SELE: variants seen among roughly 807,000 people sequenced by gnomAD.
SELE encodes the protein E-selectin.
A neutral mutation model predicts 75.8 loss-of-function variants in SELE; 52 were observed. The observed-to-expected ratio is 0.69, with a 90% CI of 0.55 to 0.86. The LOEUF (loss-of-function observed/expected upper bound fraction) is 0.86. Ranked by LOEUF, SELE falls within the 40% of genes least tolerant of loss-of-function variation. SELE has a pLI of 0.00. For synonymous variants in SELE, 285 were observed against 258.7 expected (o/e 1.10, Z -0.98); for missense variants, 754 against 732.7 (o/e 1.03, Z -0.34).
chr1:169,729,452 A>T, intron 6 of SELE, 36 bp downstream of exon 6: 1 of 1,610,160 alleles, frequency 6.2e-7, no homozygotes. Context: ...GAGAGAAAGA[A>T]TGTTCACAGT....
Position 169,722,986 on chromosome 1 carries a change from TTTG to T in SELE, c.*1536_*1538del, listed in dbSNP as rs1484367838. On this transcript the variant is annotated 3_prime_UTR_variant, in exon 14 of 14. Transcript: ENST00000333360. ...TCACATCTCTGTTTTGACTGTTGGC[TTTG>T]TTGTTGCCAGTGTTCAGCCAGAACT... is the stretch of plus-strand genomic sequence containing the variant. 6.6e-6 allele frequency: 1 copy of T among 152,214 alleles called. No homozygotes were observed. Among genetic ancestry groups the T allele is most frequent in the African/African-American group, 2.4e-5 (1 of 41,462 alleles). The allele number at this position is 152,214 out of a possible 1,614,324, so 9.4% of individuals were successfully genotyped here.
At position 169,728,207 on chromosome 1, in the gene SELE, T is replaced by G. The variant is rs1176182646; in HGVS notation, c.1130A>C (p.Tyr377Ser). 1 of 1,614,132 alleles carries G rather than the reference T, an allele frequency of 6.2e-7. No homozygotes were observed. Among genetic ancestry groups the G allele is most frequent in the African/African-American group, 1.3e-5 (1 of 75,034 alleles). ...CTALSNPERG[Y>S]MNCLPSASGS... is the part of the protein sequence containing the mutation. The stretch of plus-strand genomic sequence containing the variant: ...AGAAGCACTAGGAAGACAATTCATG[T>G]AGCCTCGCTCGGGGTTGGACAAGGC... Residue 377 changes from tyrosine to serine, a missense_variant, in exon 8 of 14, where the codon TAC becomes TCC. Coordinates refer to ENST00000333360, the MANE Select transcript of SELE (RefSeq NM_000450.2).
rs537060258 is a variant in SELE, at chr1:169,727,951, T to G, written c.1280-24A>C. 4.4e-6 allele frequency: 7 copies of G among 1,602,350 alleles called. 1 individual carries two copies. The South Asian group carries it at 7.8e-5, about 18-fold the overall frequency. ...AGCTGGAACACACGAGAGAGCACTT[T>G]AGAAGTTTGTTTGCATCTCCAGCAA... is the stretch of plus-strand genomic sequence containing the variant. On this transcript the variant is annotated intron_variant, in intron 8 of 13. Coordinates refer to ENST00000333360, the MANE Select transcript of SELE (RefSeq NM_000450.2).
intron 4 of SELE, 83 bp from the exon 5 acceptor site, chr1:169,730,700 T>G (rs1167938062): frequency 2.5e-5 from 17 of 680,198 alleles, no homozygotes; most frequent in Admixed American, 8.7e-5. Flanking sequence ...ACAGTTTGGT[T>G]TTTTTTTTTT....
Position 169,723,259 on chromosome 1 carries a change from T to C in SELE, c.*1266A>G, listed in dbSNP as rs192364761. ...ACCCTAACATACAGAAGAAAACAAA[T>C]AGGGAATAACTATTAGACATCTTCA... is the stretch of plus-strand genomic sequence containing the variant. On this transcript the variant is annotated 3_prime_UTR_variant, in exon 14 of 14. Coordinates refer to ENST00000333360, the MANE Select transcript of SELE (RefSeq NM_000450.2). 4 of 152,282 alleles carry C rather than the reference T, an allele frequency of 2.6e-5. No individual in the cohort carries two copies. Among genetic ancestry groups the C allele is most frequent in the East Asian group, 1.9e-4 (1 of 5,186 alleles). The allele number at this position is 152,282 out of a possible 1,614,324, so 9.4% of individuals were successfully genotyped here.
chr1:169,729,773 G>C (rs1648863684), intron 5 of SELE, 100 bp from the exon 6 acceptor site: 9 of 1,117,136 alleles, frequency 8.1e-6, no homozygotes, highest in South Asian at 1.5e-5. Flanking sequence ...GCCTTCAAAG[G>C]GTAGATCCCA....
chr1:169,730,821 G>A (rs1318788583), intron 4 of SELE, among the ~76,000 whole-genome samples: 1 of 151,408 alleles, frequency 6.6e-6, no homozygotes, highest in Non-Finnish European at 1.5e-5. Flanking sequence ...CAACAAAAAA[G>A]CAGTGATGAC....
rs1454759428 is a variant in SELE at position 169,723,080 on chromosome 1, A to G, written c.*1445T>C. 6 of 151,974 alleles carry G rather than the reference A, an allele frequency of 3.9e-5. 1 individual carries two copies. In the East Asian group the frequency reaches 1.2e-3, roughly 29 times the overall value. The allele number at this position is 151,974 out of a possible 1,614,324, so 9.4% of individuals were successfully genotyped here. A position where few individuals can be genotyped will look rare whatever the true frequency, so the allele number is the denominator to read the frequency against. On this transcript the variant is annotated 3_prime_UTR_variant, in exon 14 of 14. Coordinates refer to ENST00000333360, the MANE Select transcript of SELE (RefSeq NM_000450.2). ...AGTGTAGGAGAGTTTTGATTCTCAC[A>G]CTCCTCAAGGCTAGAGCAGCTTTGG...
In SELE at chr1:169,727,432, G is replaced by A. The variant is rs1275444560; in HGVS notation, c.1562C>T (p.Pro521Leu). The change falls in exon 10 of 14, where the codon CCT becomes CTT. Residue 521 changes from proline to leucine, a missense_variant. Pro to Leu is a moderately conservative substitution (Grantham distance 98, BLOSUM62 -3). Coordinates refer to ENST00000333360, the MANE Select transcript of SELE (RefSeq NM_000450.2). ...AGAGCCATTGAGCGTCCATCCTTCA[G>A]GACAGGCGAACTTGCACACAGTGCC... ...VFGTVCKFAC[P>L]EGWTLNGSAA... is the part of the protein sequence containing the mutation. 1 of 1,614,114 alleles carries A rather than the reference G, an allele frequency of 6.2e-7. No homozygotes were observed. The highest frequency in any genetic ancestry group is 8.5e-7 in the Non-Finnish European group (1 of 1,180,028).
Position 169,729,534 on chromosome 1 carries a change from C to T in SELE, c.855G>A (p.Gln285=). The T allele has an allele frequency of 6.2e-7, 1 of 1,614,164 alleles. No individual in the cohort carries two copies. Among genetic ancestry groups the T allele is most frequent in the African/African-American group, 1.3e-5 (1 of 75,058 alleles). The change falls in exon 6 of 14, where the codon CAG becomes CAA. Residue 285 remains glutamine (Q), a synonymous_variant. Coordinates refer to ENST00000333360, the MANE Select transcript of SELE (RefSeq NM_000450.2). ...GFELMGAQSL[Q]CTSSGNWDNE... ...TGTCCCAATTCCCAGATGAGGTACA[C>T]TGAAGGCTCTGGGCTCCCATTAGTT...
chr1:169,729,940 G>C (rs3917421), intron 5 of SELE, among the ~76,000 whole-genome samples: 4,518 of 152,146 alleles, frequency 0.03, 108 homozygotes, highest in South Asian at 0.1. Context: ...AAAAAAAATA[G>C]ATTCCAGATT....
chr1:169,733,367 A>AT (rs56050435), intron 2 of SELE, among the ~76,000 whole-genome samples: 11,843 of 152,254 alleles, frequency 0.078, 561 homozygotes, highest in Middle Eastern at 0.11. Context: ...GAAATAGGTC[A>AT]TTATGATCCA....
In SELE at chr1:169,732,895, C is replaced by G; in HGVS notation, c.141G>C (p.Leu47=). 1 of 1,614,096 alleles carries G rather than the reference C, an allele frequency of 6.2e-7. No homozygotes were observed. The highest frequency in any genetic ancestry group is 8.5e-7 in the Non-Finnish European group (1 of 1,179,998). ...SAYCQQRYTH[L]VAIQNKEEIE... is the part of the protein sequence containing the mutation. ...TCTCTTCTTTGTTTTGAATTGCAAC[C>G]AGGTGTGTGTACCTTTGCTGACAAT... The change falls in exon 3 of 14, where the codon CTG becomes CTC. Residue 47 remains leucine, a synonymous_variant. Transcript: ENST00000333360.
intron 4 of SELE, among the ~76,000 whole-genome samples, chr1:169,731,157 C>A (rs1407178853): frequency 1.3e-5 from 2 of 152,200 alleles, no homozygotes; most frequent in African/African-American, 4.8e-5. Context: ...ATTTAAAATT[C>A]AGTTCCTCAG....
chr1:169,729,461 G>C (rs758137303), intron 6 of SELE, 27 bp downstream of exon 6: 2 of 1,611,794 alleles, frequency 1.2e-6, no homozygotes, highest in Admixed American at 3.3e-5. Context: ...AATGTTCACA[G>C]TAAGTCTCCA....
intron 4 of SELE, among the ~76,000 whole-genome samples, chr1:169,731,339 C>T (rs1045003534): frequency 6.6e-6 from 1 of 152,178 alleles, no homozygotes; most frequent in Admixed American, 6.5e-5. Flanking sequence ...AATTTAGGAA[C>T]TGAGACCTCA....
At position 169,730,608 on chromosome 1, in the gene SELE, C is replaced by A; in HGVS notation, c.539G>T (p.Cys180Phe). Residue 180 changes from cysteine to phenylalanine, a missense_variant, in exon 5 of 14, where the codon TGT (cysteine) becomes TTT (phenylalanine). Coordinates refer to ENST00000333360, the MANE Select transcript of SELE (RefSeq NM_000450.2). ...ATGCTCAGGGGATTCCAGGGCTGTA[C>A]AGTTCACAACTGAAAAAGAAACCCA... ...SGLKCEQIVN[C>F]TALESPEHGS... 2.5e-6 allele frequency: 4 copies of A among 1,606,738 alleles called. No individual in the cohort carries two copies. The highest frequency in any genetic ancestry group is 3.4e-6 in the Non-Finnish European group (4 of 1,175,570).
At position 169,728,198 on chromosome 1, in the gene SELE, C is replaced by T; in HGVS notation, c.1139G>A (p.Cys380Tyr). 6.2e-7 allele frequency: 1 copy of T among 1,614,122 alleles called. No homozygotes were observed. Among genetic ancestry groups the T allele is most frequent in the African/African-American group, 1.3e-5 (1 of 75,016 alleles). Residue 380 changes from cysteine to tyrosine, a missense_variant, in exon 8 of 14, where the codon TGT becomes TAT. Cys to Tyr is a radical substitution (Grantham distance 194, BLOSUM62 -2). Coordinates refer to ENST00000333360, the MANE Select transcript of SELE (RefSeq NM_000450.2). ...GAAACTGCCAGAAGCACTAGGAAGACAATTCATGTAGCCTCGCTCGGGGTT... is the reference window on the plus strand; with the variant it reads ...GAAACTGCCAGAAGCACTAGGAAGATAATTCATGTAGCCTCGCTCGGGGTT... ...LSNPERGYMNCLPSASGSFRY... is the reference protein window; with the variant it reads ...LSNPERGYMNYLPSASGSFRY...
At chr1:169,729,892 CTCTAA>C (rs1648867392) in intron 5 of SELE, among the ~76,000 whole-genome samples, 1 of 152,080 alleles carries the variant, frequency 6.6e-6, no homozygotes, top group African/African-American at 2.4e-5. Context: ...GCTGAGTGGT[CTCTAA>C]TCTATGTTAT....
Sources: gnomAD v4.1 joint callset for allele counts (sites outside exome capture counted in the v4.1 genomes callset) on GRCh38, gnomAD v4.1.1 for gene constraint, MANE v1.5 for transcripts, NCBI Gene and HGNC (gene_info 2026-07-23, HGNC 2026-07-21) for gene names.